The following STPG2 variants were observed in gnomAD, a reference collection of about 807,000 sequenced individuals.
STPG2 encodes the protein sperm tail PG-rich repeat containing 2, also known as sperm-tail PG-rich repeat-containing protein 2.
A neutral mutation model predicts 54.2 loss-of-function variants in STPG2; 56 were observed. That is an observed-to-expected ratio of 1.03 (90% CI 0.83 to 1.29). STPG2 has a LOEUF of 1.29. Among genes scored for constraint, STPG2 ranks in the 50% most tolerant of loss-of-function variants. The pLI, the probability that STPG2 is intolerant of heterozygous loss-of-function variation, is 0.00. For synonymous variants in STPG2, 200 were observed against 181.8 expected, an observed-to-expected ratio of 1.10 and a Z score of -0.81; for missense variants, 596 against 544.9, an observed-to-expected ratio of 1.09 and a Z score of -0.93.
At chr4:97,934,078 C>T (rs1226170537) in intron 8 of STPG2, among the ~76,000 whole-genome samples, 1 of 152,156 alleles carries the variant, frequency 6.6e-6, no homozygotes, top group Non-Finnish European at 1.5e-5. Context: ...AGGTCCTTCA[C>T]ATTCCCTGTT....
At chr4:97,937,195 T>C (rs1056534851) in intron 8 of STPG2, among the ~76,000 whole-genome samples, 18 of 152,040 alleles carry the variant, frequency 1.2e-4, no homozygotes, top group African/African-American at 4.1e-4. Flanking sequence ...GTTTGCATTA[T>C]AAAGTTCTTG....
At chr4:97,792,147 G>A (rs999954134) in intron 9 of STPG2, among the ~76,000 whole-genome samples, 7 of 152,122 alleles carry the variant, frequency 4.6e-5, no homozygotes, top group African/African-American at 1.2e-4. Flanking sequence ...GATAAAGCCA[G>A]CAAAACCATA....
chr4:98,075,585 G>A (rs1331782825), intron 5 of STPG2, among the ~76,000 whole-genome samples: 1 of 152,072 alleles, frequency 6.6e-6, no homozygotes, highest in Non-Finnish European at 1.5e-5. Flanking sequence ...ATTTGCTTCT[G>A]CTGCATTCAG....
chr4:98,123,687 T>A (rs555694456), intron 3 of STPG2, among the ~76,000 whole-genome samples: 11 of 152,332 alleles, frequency 7.2e-5, no homozygotes, highest in African/African-American at 2.6e-4. Context: ...GAGAGTTCTG[T>A]AGATATCTAT....
At chr4:97,531,433 A>C (rs1434880207) in intron 4 of STPG2, among the ~76,000 whole-genome samples, 1 of 152,240 alleles carries the variant, frequency 6.6e-6, no homozygotes, top group Non-Finnish European at 1.5e-5. Context: ...CACTGTTCAC[A>C]ATAGCCAAGA....
chr4:97,494,253 A>G (rs1730561897), intron 4 of STPG2, among the ~76,000 whole-genome samples: 1 of 151,584 alleles, frequency 6.6e-6, no homozygotes, highest in South Asian at 2.1e-4. Context: ...TTTTGCCTCC[A>G]AATTCCTTCA....
chr4:97,863,439 A>G (rs1309622157), intron 8 of STPG2, among the ~76,000 whole-genome samples: 2 of 152,206 alleles, frequency 1.3e-5, no homozygotes, highest in Non-Finnish European at 2.9e-5. Flanking sequence ...AGGCTCTGAA[A>G]TTGATGCAAT....
intron 9 of STPG2, among the ~76,000 whole-genome samples, chr4:97,829,297 AAACT>A (rs1728365474): frequency 6.6e-6 from 1 of 152,210 alleles, no homozygotes; most frequent in South Asian, 2.1e-4. Context: ...GTTACAAAGA[AAACT>A]AACAAACAGA....
At chr4:97,951,079 C>G (rs927172051) in intron 7 of STPG2, among the ~76,000 whole-genome samples, 16 of 152,162 alleles carry the variant, frequency 1.1e-4, no homozygotes, top group Admixed American at 2.6e-4. Context: ...GTGGCCCCCA[C>G]CCAGGGACTG....
chr4:97,803,048 G>C (rs918874099), intron 9 of STPG2, among the ~76,000 whole-genome samples: 2 of 151,950 alleles, frequency 1.3e-5, no homozygotes, highest in African/African-American at 4.8e-5. Flanking sequence ...TTTGTTTTTG[G>C]ATTGTGCCAG....
chr4:98,055,446 G>A (rs1272389864), intron 5 of STPG2, among the ~76,000 whole-genome samples: 3 of 152,110 alleles, frequency 2.0e-5, no homozygotes, highest in Non-Finnish European at 2.9e-5. Context: ...ACCCCACATG[G>A]GCTAAGAGCA....
chr4:97,941,763 T>C (rs1732993796), intron 8 of STPG2, among the ~76,000 whole-genome samples: 1 of 152,172 alleles, frequency 6.6e-6, no homozygotes, highest in East Asian at 1.9e-4. Context: ...TGAGATATTA[T>C]TTCAATTTTA....
At chr4:97,510,026 C>G (rs1730939555) in intron 4 of STPG2, among the ~76,000 whole-genome samples, 1 of 151,978 alleles carries the variant, frequency 6.6e-6, no homozygotes, top group African/African-American at 2.4e-5. Flanking sequence ...GATTGGGGAC[C>G]ACTGCTCTAG....
chr4:97,763,857 C>T (rs1725959905), intron 9 of STPG2, among the ~76,000 whole-genome samples: 1 of 152,090 alleles, frequency 6.6e-6, no homozygotes, highest in Non-Finnish European at 1.5e-5. Context: ...CATTTCTTAA[C>T]TCTAAGATGA....
intron 9 of STPG2, among the ~76,000 whole-genome samples, chr4:97,777,496 A>G (rs907658982): frequency 6.6e-6 from 1 of 152,222 alleles, no homozygotes; most frequent in Non-Finnish European, 1.5e-5. Flanking sequence ...AAAGCAATGC[A>G]GTTTTCTGGA....
At chr4:97,773,296 T>C (rs939406538) in intron 9 of STPG2, among the ~76,000 whole-genome samples, 1 of 152,102 alleles carries the variant, frequency 6.6e-6, no homozygotes, top group African/African-American at 2.4e-5. Context: ...AATATGTACA[T>C]TGAAATTACT....
intron 8 of STPG2, among the ~76,000 whole-genome samples, chr4:97,896,420 A>T (rs2149180242): frequency 6.6e-6 from 1 of 151,958 alleles, no homozygotes; most frequent in East Asian, 1.9e-4. Context: ...AACCCCAAGT[A>T]AACAGTGTCA....
At chr4:98,104,498 T>A (rs557339859) in intron 5 of STPG2, among the ~76,000 whole-genome samples, 3 of 152,310 alleles carry the variant, frequency 2.0e-5, no homozygotes, top group African/African-American at 7.2e-5. Context: ...TAAGATACTG[T>A]GATAGAAAAA....
intron 10 of STPG2, among the ~76,000 whole-genome samples, chr4:97,569,241 G>A (rs1034134244): frequency 3.3e-5 from 5 of 152,178 alleles, no homozygotes; most frequent in African/African-American, 9.7e-5. Flanking sequence ...GACATTGCCA[G>A]GGCGTTTGTA....
Sources: allele counts gnomAD v4.1 joint callset (sites outside exome capture counted in the v4.1 genomes callset), GRCh38; gene constraint gnomAD v4.1.1; transcripts MANE v1.5; gene names NCBI Gene and HGNC (gene_info 2026-07-23, HGNC 2026-07-21).